The following RXRG variants were observed in gnomAD, a reference collection of about 807,000 sequenced individuals.
RXRG encodes the protein retinoic acid receptor RXR-gamma.
In RXRG, 19 loss-of-function variants were observed where a neutral mutation model predicts 49.2. The observed-to-expected ratio is 0.39, with a 90% CI of 0.27 to 0.57. The LOEUF (loss-of-function observed/expected upper bound fraction) is 0.57, where lower values mean the gene tolerates loss of function less well. Ranked by LOEUF, RXRG falls within the 20% of genes least tolerant of loss-of-function variation. The probability of loss-of-function intolerance (pLI) is 0.64; values close to 1 mark genes in which losing one functional copy is unlikely to be tolerated. For missense variants in RXRG, 452 were observed against 592.5 expected (o/e 0.76, Z 2.46); for synonymous variants, 224 against 216.6 (o/e 1.03, Z -0.30).
intron 2 of RXRG, among the ~76,000 whole-genome samples, chr1:165,422,564 C>A (rs1658357837): frequency 6.6e-6 from 1 of 152,228 alleles, no homozygotes; most frequent in Non-Finnish European, 1.5e-5. Flanking sequence ...GAGCAGAGGC[C>A]TAGAGGGAAG....
At chr1:165,436,064 C>T (rs890979124) in intron 1 of RXRG, among the ~76,000 whole-genome samples, 1 of 152,008 alleles carries the variant, frequency 6.6e-6, no homozygotes, top group Non-Finnish European at 1.5e-5. Context: ...AGCAGTGATC[C>T]CCAACACCTT....
Position 165,406,843 on chromosome 1 carries a change from T to A in RXRG, c.1213A>T (p.Thr405Ser). ...GGCTGTTCCGGATACTTCTGCTTGG[T>A]GTAGGCCTCAAGGGTGGCATAAACC... Reference protein sequence around the residue: ...EKVYATLEAYTKQKYPEQPGR... With the variant: ...EKVYATLEAYSKQKYPEQPGR... The change falls in exon 9 of 10, where the codon ACC becomes TCC. Residue 405 changes from threonine to serine, a missense_variant. Around this residue, in one of 2 missense-constraint regions of RXRG, gnomAD observed 286 missense variants for 440.9 expected, o/e 0.65. Transcript: ENST00000359842. 2.5e-6 allele frequency: 4 copies of A among 1,613,938 alleles called. No individual in the cohort carries two copies. Among genetic ancestry groups the A allele is most frequent in the Non-Finnish European group, 2.5e-6 (3 of 1,179,948 alleles).
intron 2 of RXRG, among the ~76,000 whole-genome samples, chr1:165,423,417 C>G (rs1658385866): frequency 6.6e-6 from 1 of 152,208 alleles, no homozygotes; most frequent in African/African-American, 2.4e-5. Context: ...GGGACCAATT[C>G]ATTCTGCATG....
Position 165,417,969 on chromosome 1 carries a change from C to T in RXRG, c.443-749G>A, listed in dbSNP as rs183506515. On this transcript the variant is annotated intron_variant, in intron 3 of 9. Transcript: ENST00000359842. ...AATATATATATACAAAAATTAGCCG[C>T]GCATGGTGGCACATGCCTGTGGTCT... Among the ~76,000 whole-genome samples the T allele has an allele frequency of 6.5e-4, 98 of 151,864 alleles. 1 individual carries two copies. The highest frequency in any genetic ancestry group is 3.6e-4 in the African/African-American group (15 of 41,418).
intron 4 of RXRG, among the ~76,000 whole-genome samples, chr1:165,413,977 C>G (rs929689415): frequency 2.0e-5 from 3 of 152,214 alleles, no homozygotes; most frequent in Non-Finnish European, 4.4e-5. Flanking sequence ...TCCATGGTCT[C>G]TCTGTTATCT....
rs548264473 is a variant in RXRG, at chr1:165,436,802, C to T, written c.50-7836G>A. 13 of 532,022 alleles carry T rather than the reference C, an allele frequency of 2.4e-5. No homozygotes were observed. In the East Asian group the frequency reaches 1.7e-3, roughly 68 times the overall value. 33.0% of individuals were successfully genotyped at this position (532,022 alleles called of 1,614,324 possible). A position where few individuals can be genotyped will look rare whatever the true frequency, so the allele number is the denominator to read the frequency against. On this transcript the variant is annotated intron_variant, in intron 1 of 9. Transcript: ENST00000359842. Reference sequence around the variant, plus strand: ...AATGGAACAACCTGGAGTTCCTTGGCCTCTTTTATCAGCTACTGTAACCAG... The same window carrying T: ...AATGGAACAACCTGGAGTTCCTTGGTCTCTTTTATCAGCTACTGTAACCAG...
chr1:165,425,531 A>G (rs1034767421), intron 2 of RXRG, among the ~76,000 whole-genome samples: 3 of 152,326 alleles, frequency 2.0e-5, no homozygotes, highest in Admixed American at 6.5e-5. Flanking sequence ...CCAAACTACA[A>G]TGTACTTTCT....
At chr1:165,405,451 G>A (rs12062434) in intron 9 of RXRG, among the ~76,000 whole-genome samples, 4,818 of 152,338 alleles carry the variant, frequency 0.032, 106 homozygotes, top group Middle Eastern at 0.068. Context: ...ACATTCTCCA[G>A]CCTCCTTTGT....
intron 7 of RXRG, 40 bp downstream of exon 7, chr1:165,409,518 C>T (rs1571266318): frequency 1.5e-6 from 2 of 1,336,222 alleles, no homozygotes; most frequent in Non-Finnish European, 9.7e-7. Context: ...CACACACACA[C>T]ACATAATACA....
chr1:165,420,030 A>C lies in RXRG; in HGVS notation c.298-16T>G. The C allele has an allele frequency of 6.3e-7, 1 of 1,587,838 alleles. No homozygotes were observed. Among genetic ancestry groups the C allele is most frequent in the Non-Finnish European group, 8.6e-7 (1 of 1,164,722 alleles). ...CCACATTTAGCTGCAAGAGAAAAAA[A>C]TACTGTAAAGCACAGAGCCAGAGTA... On this transcript the variant is annotated splice_polypyrimidine_tract_variant and intron_variant, in intron 2 of 9. Coordinates refer to ENST00000359842, the MANE Select transcript of RXRG (RefSeq NM_006917.5).
Position 165,401,148 on chromosome 1 carries a change from A to G in RXRG, c.*115T>C. ...AAAGGTTTTCTTTATTATAAGCATCACATTTTGGGGACAGGAAGGGGGTCA... is the reference window on the plus strand; with the variant it reads ...AAAGGTTTTCTTTATTATAAGCATCGCATTTTGGGGACAGGAAGGGGGTCA... On this transcript the variant is annotated 3_prime_UTR_variant, in exon 10 of 10. Coordinates refer to ENST00000359842, the MANE Select transcript of RXRG (RefSeq NM_006917.5). 1.1e-6 allele frequency: 1 copy of G among 921,318 alleles called. No individual in the cohort carries two copies. Among genetic ancestry groups the G allele is most frequent in the Non-Finnish European group, 1.7e-6 (1 of 598,866 alleles). 57.1% of individuals were successfully genotyped at this position (921,318 alleles called of 1,614,324 possible).
chr1:165,428,458 G>C (rs1658561615), intron 2 of RXRG, among the ~76,000 whole-genome samples: 1 of 152,202 alleles, frequency 6.6e-6, no homozygotes, highest in Admixed American at 6.5e-5. Context: ...ATCACAGCCA[G>C]GGCTGAACTG....
intron 1 of RXRG, among the ~76,000 whole-genome samples, chr1:165,439,786 G>C (rs559455058): frequency 6.6e-6 from 1 of 152,332 alleles, no homozygotes; most frequent in Non-Finnish European, 1.5e-5. Flanking sequence ...GTAAAGCTTT[G>C]CACCAGTAAA....
intron 4 of RXRG, among the ~76,000 whole-genome samples, chr1:165,412,369 A>G (rs1657982084): frequency 6.6e-6 from 1 of 152,196 alleles, no homozygotes; most frequent in Admixed American, 6.5e-5. Flanking sequence ...GAAAGAGACA[A>G]CAAAACAGGG....
intron 2 of RXRG, among the ~76,000 whole-genome samples, chr1:165,427,337 G>T (rs969185132): frequency 1.3e-5 from 2 of 152,196 alleles, no homozygotes; most frequent in East Asian, 1.9e-4. Flanking sequence ...TTGTTTCTCT[G>T]CAGTACTTCC....
intron 2 of RXRG, among the ~76,000 whole-genome samples, chr1:165,427,986 T>C (rs1658545667): frequency 6.6e-6 from 1 of 152,188 alleles, no homozygotes; most frequent in Non-Finnish European, 1.5e-5. Flanking sequence ...AGTGAGAAGA[T>C]AAGTGTTTGG....
At chr1:165,442,196 C>A (rs561151923) in intron 1 of RXRG, among the ~76,000 whole-genome samples, 1 of 152,336 alleles carries the variant, frequency 6.6e-6, no homozygotes, top group Non-Finnish European at 1.5e-5. Context: ...GACGTCCACT[C>A]TAATCCTGCT....
intron 1 of RXRG, among the ~76,000 whole-genome samples, chr1:165,438,250 A>G (rs957058855): frequency 6.6e-6 from 1 of 152,212 alleles, no homozygotes; most frequent in Non-Finnish European, 1.5e-5. Flanking sequence ...GAACTTTTTG[A>G]ATGCCAATAT....
chr1:165,443,917 C>T (rs1659079185), intron 1 of RXRG, among the ~76,000 whole-genome samples: 1 of 152,224 alleles, frequency 6.6e-6, no homozygotes, highest in Non-Finnish European at 1.5e-5. Flanking sequence ...CTTTCTTTGG[C>T]TCCCAGCAAC....
Sources: gnomAD v4.1 joint callset for allele counts (sites outside exome capture counted in the v4.1 genomes callset) on GRCh38, gnomAD v4.1.1 for gene constraint, gnomAD v4.1.1 regional missense constraint, MANE v1.5 for transcripts, NCBI Gene and HGNC (gene_info 2026-07-23, HGNC 2026-07-21) for gene names.